Variants in DOCK7 observed in about 807,000 individuals in gnomAD.
The protein encoded by DOCK7 is dedicator of cytokinesis protein 7.
In DOCK7, 138 loss-of-function variants were observed where a neutral mutation model predicts 271.0. That is an observed-to-expected ratio of 0.51 (90% CI 0.44 to 0.59). DOCK7 has a LOEUF of 0.59. Ranked by LOEUF, DOCK7 falls within the 20% of genes least tolerant of loss-of-function variation. DOCK7 has a pLI of 0.00. For missense variants in DOCK7, 2,066 were observed against 2,592.4 expected (o/e 0.80, Z 4.41); for synonymous variants, 823 against 876.1 (o/e 0.94, Z 1.07).
chr1:62,544,613 C>A (rs913216420), intron 23 of DOCK7, among the ~76,000 whole-genome samples: 1 of 151,842 alleles, frequency 6.6e-6, no homozygotes, highest in Non-Finnish European at 1.5e-5. Flanking sequence ...TTTTCCTCCA[C>A]GTAAAAAATT....
In DOCK7 at chr1:62,631,301, A is replaced by C. The variant is rs781462288; in HGVS notation, c.1221T>G (p.Asn407Lys). The C allele has an allele frequency of 6.2e-7, 1 of 1,613,280 alleles. No homozygotes were observed. The highest frequency in any genetic ancestry group is 8.5e-7 in the Non-Finnish European group (1 of 1,179,718). The part of the protein sequence containing the change: ...PFAWTAIHLM[N>K]IVSSAGSLER... Reference sequence around the variant, plus strand: ...CCAAACTCCCAGCACTGCTAACAATATTCATTAAATGGATTGCAGTCCAAG... The same window carrying C: ...CCAAACTCCCAGCACTGCTAACAATCTTCATTAAATGGATTGCAGTCCAAG... Residue 407 changes from asparagine (N) to lysine (K), a missense_variant, in exon 11 of 50, where the codon AAT (asparagine) becomes AAG (lysine). Physicochemically the swap from Asn to Lys is moderately conservative, Grantham distance 94. This residue lies in a region of DOCK7 where 1,414 missense variants were observed against 1,670.4 expected (regional missense o/e 0.85). Coordinates refer to ENST00000635253, the MANE Select transcript of DOCK7 (RefSeq NM_001367561.1).
chr1:62,601,826 ATG>A, intron 14 of DOCK7: 1 of 1,610,448 alleles, frequency 6.2e-7, no homozygotes. Flanking sequence ...AGTGGCATGT[ATG>A]CCATCAGACC....
At position 62,636,531 on chromosome 1, in the gene DOCK7, T is replaced by C. The variant is rs754789712; in HGVS notation, c.885+6A>G. 2.5e-6 allele frequency: 4 copies of C among 1,590,606 alleles called. No individual in the cohort carries two copies. In the Admixed American group the frequency reaches 6.8e-5, roughly 27 times the overall value. On this transcript the variant is annotated splice_donor_region_variant and intron_variant, in intron 8 of 49. Coordinates refer to ENST00000635253, the MANE Select transcript of DOCK7 (RefSeq NM_001367561.1). ...AAATAACTATGGTCAAATTATATAA[T>C]CTTACCTTTTTCTTTTCCTTGACAT...
chr1:62,645,490 A>G (rs1359393339), intron 7 of DOCK7, among the ~76,000 whole-genome samples: 2 of 152,152 alleles, frequency 1.3e-5, no homozygotes, highest in African/African-American at 4.8e-5. Context: ...ATCTGTAGAG[A>G]CAGAAAGTAG....
chr1:62,477,890 A>G (rs1199217563), intron 43 of DOCK7, 65 bp from the exon 44 acceptor site: 8 of 1,490,028 alleles, frequency 5.4e-6, no homozygotes, highest in Admixed American at 2.4e-5. Flanking sequence ...TTTTCACATT[A>G]TGTTTAGATT....
At chr1:62,650,994 A>G (rs1179955445) in intron 4 of DOCK7, among the ~76,000 whole-genome samples, 1 of 152,284 alleles carries the variant, frequency 6.6e-6, no homozygotes, top group East Asian at 1.9e-4. Flanking sequence ...ACACATGCAC[A>G]CGTATGTTTA....
chr1:62,487,744 CA>C (rs1646337717), intron 42 of DOCK7: 1 of 209,006 alleles, frequency 4.8e-6, no homozygotes, highest in Non-Finnish European at 9.6e-6. Context: ...AATTAAAATA[CA>C]AACTGCAACT....
intron 17 of DOCK7, 106 bp downstream of exon 17, chr1:62,578,717 CAAAAA>C (rs33969170): frequency 3.5e-4 from 108 of 311,398 alleles, no homozygotes; most frequent in South Asian, 8.4e-4. Context: ...GACTCTGTCT[CAAAAA>C]AAAAAAAAAA....
intron 37 of DOCK7, among the ~76,000 whole-genome samples, chr1:62,499,488 CCA>C (rs1264812061): frequency 6.6e-6 from 1 of 152,018 alleles, no homozygotes. Context: ...GGAAGCAGTT[CCA>C]ATATAAGGCA....
rs549593710 is a variant in DOCK7, at chr1:62,563,658, A to G, written c.2113-1955T>C. Among the ~76,000 whole-genome samples the G allele has an allele frequency of 2.1e-3, 315 of 152,096 alleles. 2 individuals are homozygous for G. The highest frequency in any genetic ancestry group is 7.2e-3 in the African/African-American group (300 of 41,510). On this transcript the variant is annotated intron_variant, in intron 18 of 49. Coordinates refer to ENST00000635253, the MANE Select transcript of DOCK7 (RefSeq NM_001367561.1). ...AAATTTCAACACTAATTAGATAAGA[A>G]ATTCAATATCTATGACAGGATCAAA...
intron 38 of DOCK7, among the ~76,000 whole-genome samples, chr1:62,496,091 A>C (rs1013338215): frequency 3.3e-5 from 5 of 152,200 alleles, no homozygotes; most frequent in African/African-American, 1.2e-4. Flanking sequence ...CTTTGTCTGC[A>C]CTGTCCAAGT....
chr1:62,490,820 T>G (rs1462650182), intron 41 of DOCK7, among the ~76,000 whole-genome samples: 2 of 152,146 alleles, frequency 1.3e-5, no homozygotes, highest in East Asian at 3.9e-4. Context: ...TTCCCCCTGC[T>G]AGCTTAGACA....
chr1:62,675,472 T>C (rs139911572), intron 1 of DOCK7, among the ~76,000 whole-genome samples: 4 of 152,144 alleles, frequency 2.6e-5, no homozygotes, highest in African/African-American at 9.6e-5. Context: ...CGTGAGTGGC[T>C]AATAAGCACA....
At chr1:62,476,871 A>G (rs986001831) in intron 44 of DOCK7, 1 of 152,270 alleles carries the variant, frequency 6.6e-6, no homozygotes, top group African/African-American at 2.4e-5. Context: ...TTGAAAAATA[A>G]AAAGTCACAG....
chr1:62,524,576 A>C (rs1644942957), intron 31 of DOCK7, among the ~76,000 whole-genome samples: 1 of 152,072 alleles, frequency 6.6e-6, no homozygotes, highest in Admixed American at 6.6e-5. Flanking sequence ...AACATTAATG[A>C]ATACTAAAAA....
intron 48 of DOCK7, among the ~76,000 whole-genome samples, chr1:62,469,813 C>G (rs1394247166): frequency 6.6e-6 from 1 of 151,714 alleles, no homozygotes; most frequent in Non-Finnish European, 1.5e-5. Context: ...TGAAAAAATG[C>G]TCAACATCAC....
intron 2 of DOCK7, among the ~76,000 whole-genome samples, chr1:62,661,576 T>C (rs1172232776): frequency 6.6e-6 from 1 of 152,116 alleles, no homozygotes; most frequent in Non-Finnish European, 1.5e-5. Flanking sequence ...GGGCAGTATA[T>C]AGCTCAGAAT....
intron 1 of DOCK7, among the ~76,000 whole-genome samples, chr1:62,671,477 G>C (rs933806995): frequency 6.6e-6 from 1 of 152,182 alleles, no homozygotes; most frequent in Non-Finnish European, 1.5e-5. Flanking sequence ...TGGGGAGAGA[G>C]AGAGAAATGG....
intron 31 of DOCK7, among the ~76,000 whole-genome samples, chr1:62,518,630 C>T (rs578224717): frequency 2.0e-5 from 3 of 151,206 alleles, no homozygotes; most frequent in Non-Finnish European, 2.9e-5. Flanking sequence ...ATCCCAGCTA[C>T]TCAGGAGGCT....
Sources: gnomAD v4.1 joint callset for allele counts (sites outside exome capture counted in the v4.1 genomes callset) on GRCh38, gnomAD v4.1.1 for gene constraint, gnomAD v4.1.1 regional missense constraint, MANE v1.5 for transcripts, NCBI Gene and HGNC (gene_info 2026-07-23, HGNC 2026-07-21) for gene names.